ANKRD29: variants seen among roughly 807,000 people sequenced by gnomAD.
The protein encoded by ANKRD29 is ankyrin repeat domain 29.
Under a neutral mutation model 38.0 loss-of-function variants are expected in ANKRD29, and 32 were observed. The observed-to-expected ratio is 0.84, with a 90% CI of 0.64 to 1.13. The LOEUF (loss-of-function observed/expected upper bound fraction) is 1.13. Among genes scored for constraint, ANKRD29 ranks in the 50% most tolerant of loss-of-function variants. The pLI, the probability that ANKRD29 is intolerant of heterozygous loss-of-function variation, is 0.00. For synonymous variants in ANKRD29, 135 were observed against 152.4 expected, an observed-to-expected ratio of 0.89 and a Z score of 0.84; for missense variants, 357 against 377.9, an observed-to-expected ratio of 0.94 and a Z score of 0.46.
At chr18:23,623,186 C>A (rs1368290617) in intron 6 of ANKRD29, among the ~76,000 whole-genome samples, 1 of 152,100 alleles carries the variant, frequency 6.6e-6, no homozygotes, top group African/African-American at 2.4e-5. Context: ...CAAAATACTT[C>A]CATATGCTTT....
chr18:23,602,781 A>G (rs1288231979), intron 9 of ANKRD29, among the ~76,000 whole-genome samples: 3 of 152,036 alleles, frequency 2.0e-5, no homozygotes, highest in Non-Finnish European at 4.4e-5. Flanking sequence ...ATATTTTCAA[A>G]AAGAAAAAAA....
At chr18:23,619,277 G>C in intron 7 of ANKRD29, 1 of 458,708 alleles carries the variant, frequency 2.2e-6, no homozygotes, top group South Asian at 3.4e-5. Context: ...CCCCAGGACA[G>C]GCGGGAGGCC....
intron 1 of ANKRD29, among the ~76,000 whole-genome samples, chr18:23,662,300 G>A (rs2060373681): frequency 6.6e-6 from 1 of 152,148 alleles, no homozygotes; most frequent in Non-Finnish European, 1.5e-5. Flanking sequence ...CTCCGGGGAG[G>A]AGGCATCCGT....
intron 1 of ANKRD29, among the ~76,000 whole-genome samples, chr18:23,656,963 C>T (rs2060292310): frequency 6.6e-6 from 1 of 152,216 alleles, no homozygotes; most frequent in Admixed American, 6.5e-5. Context: ...TCCCCAGTGC[C>T]TGCTCCCGGT....
intron 1 of ANKRD29, among the ~76,000 whole-genome samples, chr18:23,654,870 A>G (rs918831037): frequency 6.6e-6 from 1 of 152,140 alleles, no homozygotes; most frequent in African/African-American, 2.4e-5. Context: ...ACAGAACTGG[A>G]ATTCTAATTA....
At chr18:23,660,365 T>G (rs1436604762) in intron 1 of ANKRD29, among the ~76,000 whole-genome samples, 1 of 152,264 alleles carries the variant, frequency 6.6e-6, no homozygotes, top group African/African-American at 2.4e-5. Flanking sequence ...GAAATGTCTA[T>G]TCATATGTCC....
chr18:23,619,741 C>G, intron 6 of ANKRD29, 112 bp from the exon 7 acceptor site: 1 of 838,446 alleles, frequency 1.2e-6, no homozygotes, highest in Non-Finnish European at 1.8e-6. Flanking sequence ...AAGGCACTCC[C>G]TGACCGCAGA....
chr18:23,599,283 C>G lies in ANKRD29; in HGVS notation c.*1943G>C, dbSNP rs74587443. The G allele has an allele frequency of 1.3e-5, 2 of 152,358 alleles. No individual in the cohort carries two copies. The highest frequency in any genetic ancestry group is 3.9e-4 in the East Asian group (2 of 5,192). The allele number at this position is 152,358 out of a possible 1,614,324, so 9.4% of individuals were successfully genotyped here. A position where few individuals can be genotyped will look rare whatever the true frequency, so the allele number is the denominator to read the frequency against. ...GAAGGCCTCCATATTGTTCAAGCTA[C>G]TGGCTTCAATTTTATGGCTCTAATA... On this transcript the variant is annotated 3_prime_UTR_variant, in exon 10 of 10. Coordinates refer to ENST00000592179, the MANE Select transcript of ANKRD29 (RefSeq NM_173505.4).
rs574479792 is a variant in ANKRD29 at position 23,623,736 on chromosome 18, G to A, written c.529-4107C>T. On this transcript the variant is annotated intron_variant, in intron 6 of 9. Coordinates refer to ENST00000592179, the MANE Select transcript of ANKRD29 (RefSeq NM_173505.4). ...TGGCTCACTGCAAGCTCCGCCTCCC[G>A]GGTTCACGCCATTCTCCTGCCTCAG... Among the ~76,000 whole-genome samples the A allele has an allele frequency of 9.2e-5, 14 of 151,876 alleles. No homozygotes were observed. In the East Asian group the frequency reaches 2.3e-3, roughly 25 times the overall value.
rs2059484018 is a variant in ANKRD29 at position 23,599,046 on chromosome 18, GT to G, written c.*2179del. On this transcript the variant is annotated 3_prime_UTR_variant, in exon 10 of 10. Coordinates refer to ENST00000592179, the MANE Select transcript of ANKRD29 (RefSeq NM_173505.4). ...CAGATGATTTGCATAGGAATTGCTA[GT>G]TTTAAGTCTTAGGATGCGGAGCTAA... 1.3e-5 allele frequency: 2 copies of G among 152,200 alleles called. No individual in the cohort carries two copies. Among genetic ancestry groups the G allele is most frequent in the Admixed American group, 1.3e-4 (2 of 15,280 alleles). 9.4% of individuals were successfully genotyped at this position (152,200 alleles called of 1,614,324 possible).
chr18:23,654,324 A>AAATAAATAAATC, intron 1 of ANKRD29, among the ~76,000 whole-genome samples: 1 of 140,494 alleles, frequency 7.1e-6, no homozygotes, highest in African/African-American at 2.7e-5. Context: ...ATAAATAAAT[A>AAATAAATAAATC]AATCCAAGTC....
chr18:23,610,397 G>C (rs2059626618), intron 9 of ANKRD29, among the ~76,000 whole-genome samples: 1 of 152,232 alleles, frequency 6.6e-6, no homozygotes, highest in South Asian at 2.1e-4. Context: ...AGAATTGCTT[G>C]AACCTGGGAG....
intron 3 of ANKRD29, among the ~76,000 whole-genome samples, chr18:23,642,361 A>G (rs2060088885): frequency 6.6e-6 from 1 of 152,036 alleles, no homozygotes; most frequent in South Asian, 2.1e-4. Context: ...CCCAGGCACC[A>G]CTACATTCCC....
At chr18:23,620,406 A>G (rs965937060) in intron 6 of ANKRD29, among the ~76,000 whole-genome samples, 4 of 152,168 alleles carry the variant, frequency 2.6e-5, no homozygotes, top group African/African-American at 7.2e-5. Context: ...AGGTGGAGAT[A>G]TATTGCTTCA....
intron 6 of ANKRD29, among the ~76,000 whole-genome samples, chr18:23,627,618 G>GT (rs2059878486): frequency 6.6e-6 from 1 of 152,126 alleles, no homozygotes; most frequent in South Asian, 2.1e-4. Context: ...TATCGACTTG[G>GT]TTTTTTACAA....
At chr18:23,631,727 C>G (rs2059934838) in intron 5 of ANKRD29, among the ~76,000 whole-genome samples, 1 of 152,190 alleles carries the variant, frequency 6.6e-6, no homozygotes, top group African/African-American at 2.4e-5. Context: ...AGAGCAAGTG[C>G]CCCTTTTCCA....
chr18:23,626,296 A>G (rs762727086), intron 6 of ANKRD29, among the ~76,000 whole-genome samples: 5 of 152,222 alleles, frequency 3.3e-5, no homozygotes, highest in East Asian at 1.9e-4. Context: ...ACTGTTTAGC[A>G]CATGAAAAAG....
At chr18:23,660,919 A>G (rs2060352256) in intron 1 of ANKRD29, among the ~76,000 whole-genome samples, 2 of 152,206 alleles carry the variant, frequency 1.3e-5, no homozygotes, top group Non-Finnish European at 2.9e-5. Context: ...CTGGCTCCTG[A>G]TCCTAACACC....
intron 9 of ANKRD29, among the ~76,000 whole-genome samples, chr18:23,609,757 A>G (rs2059617746): frequency 6.6e-6 from 1 of 152,202 alleles, no homozygotes; most frequent in African/African-American, 2.4e-5. Context: ...TAGCTCACCA[A>G]CAAAGACTGG....
Sources: allele counts gnomAD v4.1 joint callset (sites outside exome capture counted in the v4.1 genomes callset), GRCh38; gene constraint gnomAD v4.1.1; transcripts MANE v1.5; gene names NCBI Gene and HGNC (gene_info 2026-07-23, HGNC 2026-07-21).